Variants in SORCS2 observed in about 807,000 individuals in gnomAD.
SORCS2 encodes the protein sortilin related VPS10 domain containing receptor 2.
A neutral mutation model predicts 141.6 loss-of-function variants in SORCS2; 100 were observed. The ratio of observed to expected loss-of-function variants is 0.71; its 90% CI spans 0.60 to 0.83. SORCS2 has a LOEUF of 0.83. Ranked by LOEUF, SORCS2 falls within the 40% of genes least tolerant of loss-of-function variation. The pLI, the probability that SORCS2 is intolerant of heterozygous loss-of-function variation, is 0.00. For synonymous variants in SORCS2, 789 were observed against 676.9 expected (o/e 1.17, Z -2.57); for missense variants, 1,646 against 1,560.2 (o/e 1.05, Z -0.93).
chr4:7,297,184 C>G (rs1275871423), intron 1 of SORCS2, among the ~76,000 whole-genome samples: 2 of 152,186 alleles, frequency 1.3e-5, no homozygotes, highest in South Asian at 2.1e-4. Flanking sequence ...TCAGTATGCC[C>G]CCTTCCCTTC....
At chr4:7,630,168 G>A (rs565100945) in intron 3 of SORCS2, among the ~76,000 whole-genome samples, 1 of 152,208 alleles carries the variant, frequency 6.6e-6, no homozygotes, top group Non-Finnish European at 1.5e-5. Context: ...AGGGTGTGGT[G>A]GGCCTCTGGG....
At chr4:7,619,329 C>T (rs1392500740) in intron 3 of SORCS2, among the ~76,000 whole-genome samples, 1 of 152,182 alleles carries the variant, frequency 6.6e-6, no homozygotes, top group Non-Finnish European at 1.5e-5. Context: ...CATCTTGGAG[C>T]ATTTTTATTG....
chr4:7,193,038 A>C lies in SORCS2; in HGVS notation c.392A>C (p.Gln131Pro). ...APLAGVASRA[Q>P]VSLISTSFVL... ...CTGGCCGGAGTGGCTTCGCGGGCGCAGGTCTCGCTCATCAGCACGTCGTTC... is the reference window on the plus strand; with the variant it reads ...CTGGCCGGAGTGGCTTCGCGGGCGCCGGTCTCGCTCATCAGCACGTCGTTC... Residue 131 changes from glutamine to proline, a missense_variant, in exon 1 of 27, where the codon CAG becomes CCG. Transcript: ENST00000507866. This position sits in a 1 kb window ranked among gnomAD's most constrained non-coding sequence, Gnocchi z 4.8. 6.6e-7 allele frequency: 1 copy of C among 1,517,524 alleles called. No homozygotes were observed. The highest frequency in any genetic ancestry group is 8.7e-7 in the Non-Finnish European group (1 of 1,143,238). 94.0% of individuals were successfully genotyped at this position (1,517,524 alleles called of 1,614,324 possible).
Position 7,697,207 on chromosome 4 carries a change from G to T in SORCS2, c.1601G>T (p.Gly534Val). 2 of 1,582,630 alleles carry T rather than the reference G, an allele frequency of 1.3e-6. No individual in the cohort carries two copies. Among genetic ancestry groups the T allele is most frequent in the Non-Finnish European group, 1.7e-6 (2 of 1,164,330 alleles). The change falls in exon 12 of 27, where the codon GGC (glycine) becomes GTC (valine). Residue 534 changes from glycine (G) to valine (V), a missense_variant. By Grantham distance (109) the Gly-to-Val change is moderately radical (BLOSUM62 -3). Transcript: ENST00000507866. ...PGLIMGAGNL[G>V]SQLVEYKEEM... The stretch of plus-strand genomic sequence containing the variant: ...TTTTCTTTTGGACCAGGTAACCTGG[G>T]CTCACAGCTGGTGGAATATAAAGAA...
At chr4:7,627,282 G>A (rs1381195704) in intron 3 of SORCS2, among the ~76,000 whole-genome samples, 3 of 152,182 alleles carry the variant, frequency 2.0e-5, no homozygotes, top group South Asian at 2.1e-4. Context: ...TCTGTACCCA[G>A]CCTTTTCGTG....
At chr4:7,340,232 G>A (rs1720284848) in intron 1 of SORCS2, among the ~76,000 whole-genome samples, 2 of 152,256 alleles carry the variant, frequency 1.3e-5, no homozygotes, top group South Asian at 4.1e-4. Flanking sequence ...ACCCAGGCCT[G>A]TACGACCCTC....
At chr4:7,294,552 AG>A (rs1716824083) in intron 1 of SORCS2, among the ~76,000 whole-genome samples, 1 of 151,322 alleles carries the variant, frequency 6.6e-6, no homozygotes, top group South Asian at 2.1e-4. Flanking sequence ...CCAGGGGTGC[AG>A]GGGGTGCTCT....
At chr4:7,337,094 T>G (rs936376982) in intron 1 of SORCS2, among the ~76,000 whole-genome samples, 1 of 152,180 alleles carries the variant, frequency 6.6e-6, no homozygotes, top group Non-Finnish European at 1.5e-5. Context: ...TCAGAGTCCA[T>G]GTCATGACCC....
chr4:7,407,560 CTA>C (rs1725047425), intron 2 of SORCS2, among the ~76,000 whole-genome samples: 1 of 152,048 alleles, frequency 6.6e-6, no homozygotes, highest in Non-Finnish European at 1.5e-5. Context: ...CACTTTCAGT[CTA>C]TGTGTCATTA....
Position 7,408,286 on chromosome 4 carries a change from G to T in SORCS2, c.548+11931G>T, listed in dbSNP as rs906799351. Among the ~76,000 whole-genome samples, 7 of 152,192 alleles carry T rather than the reference G, an allele frequency of 4.6e-5. 1 individual carries two copies. The Middle Eastern group carries it at 0.02, about 444-fold the overall frequency. On this transcript the variant is annotated intron_variant, in intron 2 of 26. Coordinates refer to ENST00000507866, the MANE Select transcript of SORCS2 (RefSeq NM_020777.3). ...AACCTTTCTTCTAAGACAGATGCGG[G>T]GGTGGTGAATTCCCTCAGCTTTTGT...
At chr4:7,456,535 C>G (rs1372847723) in intron 2 of SORCS2, among the ~76,000 whole-genome samples, 1 of 152,110 alleles carries the variant, frequency 6.6e-6, no homozygotes, top group Non-Finnish European at 1.5e-5. Flanking sequence ...CACTGTTGTC[C>G]CTCCCCACCT....
In SORCS2 at chr4:7,517,206, A is replaced by G. The variant is rs1047337649; in HGVS notation, c.549-14324A>G. Among the ~76,000 whole-genome samples the G allele has an allele frequency of 3.9e-5, 6 of 152,210 alleles. No homozygotes were observed. In the East Asian group the frequency reaches 1.2e-3, roughly 29 times the overall value. ...GGGTCAGTGTTAGTGTTAGCTAGTC[A>G]GTGTTGCCGTTGACTTATCCCTTGT... On this transcript the variant is annotated intron_variant, in intron 2 of 26. Coordinates refer to ENST00000507866, the MANE Select transcript of SORCS2 (RefSeq NM_020777.3).
intron 2 of SORCS2, among the ~76,000 whole-genome samples, chr4:7,452,486 A>T (rs926874114): frequency 6.6e-6 from 1 of 152,110 alleles, no homozygotes; most frequent in Admixed American, 6.6e-5. Flanking sequence ...GCCAAAGTCT[A>T]TGATGCTTTT....
intron 11 of SORCS2, 94 bp from the exon 12 acceptor site, chr4:7,697,104 C>T: frequency 9.4e-7 from 1 of 1,069,356 alleles, no homozygotes; most frequent in African/African-American, 1.6e-5. Flanking sequence ...GGGCACTGGC[C>T]ACCGTTGCTT....
intron 1 of SORCS2, among the ~76,000 whole-genome samples, chr4:7,346,796 C>T (rs1406533077): frequency 6.6e-6 from 1 of 152,190 alleles, no homozygotes; most frequent in African/African-American, 2.4e-5. Context: ...CACACTTAAA[C>T]CAATCTTCCC....
At chr4:7,649,118 C>T (rs1234100594) in intron 4 of SORCS2, among the ~76,000 whole-genome samples, 1 of 152,186 alleles carries the variant, frequency 6.6e-6, no homozygotes, top group South Asian at 2.1e-4. Flanking sequence ...GGCAGGGCCT[C>T]TGAGCCAGCG....
chr4:7,212,560 C>T (rs1337038804), intron 1 of SORCS2, among the ~76,000 whole-genome samples: 3 of 152,236 alleles, frequency 2.0e-5, no homozygotes, highest in Non-Finnish European at 1.5e-5. Context: ...TCTGTTTTCA[C>T]TGCATGTTGG....
chr4:7,398,199 C>CAT (rs1199145131), intron 2 of SORCS2, among the ~76,000 whole-genome samples: 1 of 152,186 alleles, frequency 6.6e-6, no homozygotes, highest in African/African-American at 2.4e-5. Flanking sequence ...GGCCCCCTGG[C>CAT]ATGGGGCCCA....
rs549090475 is a variant in SORCS2 at position 7,228,905 on chromosome 4, C to T, written c.480+35779C>T. On this transcript the variant is annotated intron_variant, in intron 1 of 26. Coordinates refer to ENST00000507866, the MANE Select transcript of SORCS2 (RefSeq NM_020777.3). ...GGGCTGGTGCCCCCTGGATGGACTG[C>T]ATGGGATCCCAGTCCTGCTGGCCAG... is the stretch of plus-strand genomic sequence containing the variant. Among the ~76,000 whole-genome samples, 6 of 152,342 alleles carry T rather than the reference C, an allele frequency of 3.9e-5. No individual in the cohort carries two copies. In the South Asian group the frequency reaches 1.2e-3, roughly 32 times the overall value.
Sources: gnomAD v4.1 joint callset for allele counts (sites outside exome capture counted in the v4.1 genomes callset) on GRCh38, gnomAD v4.1.1 for gene constraint, Gnocchi (gnomAD v3.1) non-coding constraint, MANE v1.5 for transcripts, NCBI Gene and HGNC (gene_info 2026-07-23, HGNC 2026-07-21) for gene names.